Variants in AHCYL2 observed in about 807,000 individuals in gnomAD.
AHCYL2 encodes the protein adenosylhomocysteinase like 2.
Under a neutral mutation model 81.4 loss-of-function variants are expected in AHCYL2, and 28 were observed. The ratio of observed to expected loss-of-function variants is 0.34; its 90% confidence interval spans 0.25 to 0.47. The LOEUF (loss-of-function observed/expected upper bound fraction) is 0.47. AHCYL2 is among the 20% of genes least tolerant of loss of function. The pLI is 1.00. For missense variants in AHCYL2, 551 were observed against 785.1 expected, an observed-to-expected ratio of 0.70 and a Z score of 3.56; for synonymous variants, 272 against 290.2, an observed-to-expected ratio of 0.94 and a Z score of 0.64.
intron 1 of AHCYL2, among the ~76,000 whole-genome samples, chr7:129,327,828 C>T (rs546541824): frequency 6.6e-6 from 1 of 152,164 alleles, no homozygotes; most frequent in East Asian, 1.9e-4. Flanking sequence ...GAGTCTTACT[C>T]TGTCACCCAG....
At chr7:129,281,171 C>A (rs558690597) in intron 1 of AHCYL2, among the ~76,000 whole-genome samples, 1 of 151,996 alleles carries the variant, frequency 6.6e-6, no homozygotes, top group Non-Finnish European at 1.5e-5. Flanking sequence ...CCCATTGATT[C>A]ATTTTTAAAT....
intron 1 of AHCYL2, among the ~76,000 whole-genome samples, chr7:129,314,502 A>C (rs1019830668): frequency 6.6e-6 from 1 of 152,218 alleles, no homozygotes; most frequent in Non-Finnish European, 1.5e-5. Context: ...GTTCAAGAAC[A>C]AGGCACCAAT....
intron 6 of AHCYL2, among the ~76,000 whole-genome samples, chr7:129,402,865 G>A (rs1362840119): frequency 6.6e-6 from 1 of 152,174 alleles, no homozygotes; most frequent in East Asian, 1.9e-4. Context: ...AAAGGATTAA[G>A]GAATACAGTT....
At chr7:129,280,867 CTTT>C (rs756254951) in intron 1 of AHCYL2, among the ~76,000 whole-genome samples, 6 of 138,482 alleles carry the variant, frequency 4.3e-5, no homozygotes, top group Admixed American at 7.2e-5. Context: ...TACATTGATT[CTTT>C]TTTTTTTTTT....
chr7:129,352,937 C>CTTTTTTTTT lies in AHCYL2; in HGVS notation c.364-26686_364-26678dup, dbSNP rs59762582. 6.7e-4 allele frequency among the ~76,000 whole-genome samples: 55 copies of CTTTTTTTTT among 82,532 alleles called. 1 individual carries two copies. The highest frequency in any genetic ancestry group is 1.2e-3 in the Admixed American group (7 of 5,714). 54.1% of individuals were successfully genotyped at this position (82,532 alleles called of 152,430 possible). Reference sequence around the variant, plus strand: ...ATGTTTAGGCCTTTACCTCCTCATTCTTTTTTTTTTTTTTTTTTTTTTTGG... The same window carrying CTTTTTTTTT: ...ATGTTTAGGCCTTTACCTCCTCATTCTTTTTTTTTTTTTTTTTTTTTTTTTTTTTTTTGG... On this transcript the variant is annotated intron_variant, in intron 1 of 16. Coordinates refer to ENST00000325006, the MANE Select transcript of AHCYL2 (RefSeq NM_015328.4).
rs1454773827 is a variant in AHCYL2 at position 129,379,698 on chromosome 7, C to T, written c.424C>T (p.Arg142Cys). ...FNKRPTKIGR[R>C]SLSRSISQSS... is the part of the protein sequence containing the mutation. ...CAAACGTCCCACCAAAATTGGACGTCGCTCTTTGTCTCGTTCCATTTCTCA... is the reference window on the plus strand; with the variant it reads ...CAAACGTCCCACCAAAATTGGACGTTGCTCTTTGTCTCGTTCCATTTCTCA... Residue 142 changes from arginine (R) to cysteine (C), a missense_variant, in exon 2 of 17, where the codon CGC becomes TGC. This residue lies in a region of AHCYL2 where 235 missense variants were observed against 242.1 expected (regional missense o/e 0.97). Coordinates refer to ENST00000325006, the MANE Select transcript of AHCYL2 (RefSeq NM_015328.4). 5 of 1,614,020 alleles carry T rather than the reference C, an allele frequency of 3.1e-6. No individual in the cohort carries two copies. Among genetic ancestry groups the T allele is most frequent in the African/African-American group, 1.3e-5 (1 of 74,932 alleles).
intron 13 of AHCYL2, 194 bp from the exon 14 acceptor site, chr7:129,424,680 T>C: frequency 1.6e-6 from 1 of 610,630 alleles, no homozygotes; most frequent in East Asian, 2.8e-5. Flanking sequence ...ATTAGTTTCA[T>C]CAGATTTTCC....
chr7:129,336,366 C>G (rs1798606160), intron 1 of AHCYL2, among the ~76,000 whole-genome samples: 1 of 152,108 alleles, frequency 6.6e-6, no homozygotes, highest in African/African-American at 2.4e-5. Flanking sequence ...CCCCACCCAG[C>G]CTGAAGTTTA....
At chr7:129,323,556 A>G (rs1454151525) in intron 1 of AHCYL2, among the ~76,000 whole-genome samples, 1 of 152,186 alleles carries the variant, frequency 6.6e-6, no homozygotes, top group Non-Finnish European at 1.5e-5. Flanking sequence ...TGTTCTATAA[A>G]TGTCAATTAG....
chr7:129,413,488 T>TTCCTTATAACAAG, intron 11 of AHCYL2, 106 bp from the exon 12 acceptor site: 1 of 923,058 alleles, frequency 1.1e-6, no homozygotes, highest in Non-Finnish European at 1.7e-6. Flanking sequence ...GTTGTAAGAA[T>TTCCTTATAACAAG]TCCTTATAAC....
intron 1 of AHCYL2, among the ~76,000 whole-genome samples, chr7:129,270,867 G>A (rs1224262565): frequency 6.6e-6 from 1 of 152,184 alleles, no homozygotes; most frequent in African/African-American, 2.4e-5. Context: ...TTGTTACCTG[G>A]GGTTGTCTTC....
At chr7:129,343,424 G>T (rs1156740765) in intron 1 of AHCYL2, among the ~76,000 whole-genome samples, 3 of 152,088 alleles carry the variant, frequency 2.0e-5, no homozygotes, top group Admixed American at 2.0e-4. Flanking sequence ...GACAATTAAG[G>T]CACCTTCCCT....
At chr7:129,231,772 A>G (rs1794449833) in intron 1 of AHCYL2, among the ~76,000 whole-genome samples, 1 of 152,160 alleles carries the variant, frequency 6.6e-6, no homozygotes, top group South Asian at 2.1e-4. Context: ...GCGGCAGTGG[A>G]TTGACGTTTC....
At chr7:129,233,642 C>G (rs2150678446) in intron 1 of AHCYL2, among the ~76,000 whole-genome samples, 1 of 152,274 alleles carries the variant, frequency 6.6e-6, no homozygotes, top group East Asian at 1.9e-4. Flanking sequence ...CACGCACTAC[C>G]ACGCCCAGCT....
chr7:129,391,456 G>A (rs150044947), intron 4 of AHCYL2, among the ~76,000 whole-genome samples: 20 of 152,258 alleles, frequency 1.3e-4, no homozygotes, highest in African/African-American at 4.3e-4. Flanking sequence ...GTTTTTTGTT[G>A]AGACACTTTC....
chr7:129,283,799 T>C (rs996079792), intron 1 of AHCYL2, among the ~76,000 whole-genome samples: 3 of 152,196 alleles, frequency 2.0e-5, no homozygotes, highest in African/African-American at 7.2e-5. Flanking sequence ...AGCTTCCAAA[T>C]AGCATCAGGT....
At chr7:129,264,411 G>A (rs1408384562) in intron 1 of AHCYL2, among the ~76,000 whole-genome samples, 1 of 152,196 alleles carries the variant, frequency 6.6e-6, no homozygotes, top group Non-Finnish European at 1.5e-5. Flanking sequence ...CCGGTATCGA[G>A]CTCACGGGAT....
intron 1 of AHCYL2, among the ~76,000 whole-genome samples, chr7:129,340,303 C>T (rs1793127613): frequency 6.7e-6 from 1 of 150,016 alleles, no homozygotes; most frequent in African/African-American, 2.4e-5. Flanking sequence ...CGCGGTGGCT[C>T]ACGCCTGTAA....
chr7:129,225,192 G>A lies in AHCYL2; in HGVS notation c.116G>A (p.Gly39Asp), dbSNP rs1157562286. The A allele has an allele frequency of 6.4e-7, 1 of 1,566,690 alleles. No individual in the cohort carries two copies. The highest frequency in any genetic ancestry group is 1.4e-5 in the African/African-American group (1 of 72,400). The change falls in exon 1 of 17, where the codon GGC becomes GAC. Residue 39 changes from glycine to aspartate, a missense_variant. Transcript: ENST00000325006. ...CTAGGACTGAGCACGGCCGCCGTGG[G>A]CGCCATGGCCCCCCCGGCGGGCGGT... ...SQLGLSTAAV[G>D]AMAPPAGGGD...
Sources: gnomAD v4.1 joint callset for allele counts (sites outside exome capture counted in the v4.1 genomes callset) on GRCh38, gnomAD v4.1.1 for gene constraint, gnomAD v4.1.1 regional missense constraint, MANE v1.5 for transcripts, NCBI Gene and HGNC (gene_info 2026-07-23, HGNC 2026-07-21) for gene names.